Variants in FRMD6 observed in about 807,000 individuals in gnomAD.
FRMD6 encodes FERM domain containing 6, also known as FERM domain-containing protein 6.
In FRMD6, 37 loss-of-function variants were observed where a neutral mutation model predicts 73.2. The observed-to-expected ratio is 0.51, with a 90% CI of 0.39 to 0.66. The LOEUF (loss-of-function observed/expected upper bound fraction) is 0.66, where lower values mean the gene tolerates loss of function less well. FRMD6 is among the 30% of genes least tolerant of loss of function. FRMD6 has a pLI of 0.00. For synonymous variants in FRMD6, 273 were observed against 282.2 expected (o/e 0.97, Z 0.33); for missense variants, 714 against 780.5 (o/e 0.91, Z 1.02).
chr14:51,583,869 A>T (rs1249376607), intron 2 of FRMD6, among the ~76,000 whole-genome samples: 1 of 152,214 alleles, frequency 6.6e-6, no homozygotes, highest in Non-Finnish European at 1.5e-5. Flanking sequence ...TGGAGGTTTT[A>T]GGAAGCAAGA....
At chr14:51,598,191 C>T (rs1594580090) in intron 2 of FRMD6, among the ~76,000 whole-genome samples, 1 of 152,022 alleles carries the variant, frequency 6.6e-6, no homozygotes, top group Admixed American at 6.6e-5. Flanking sequence ...AAACTAATTT[C>T]TCCCCCTAGC....
In FRMD6 at chr14:51,689,747, G is replaced by C. The variant is rs1310075590; in HGVS notation, c.-90G>C. On this transcript the variant is annotated 5_prime_UTR_variant, in exon 2 of 14. Transcript: ENST00000344768. The stretch of plus-strand genomic sequence containing the variant: ...GCTTCTCCTGCAGGGCGTGTGATGA[G>C]GAGGCGAGCTTGGCTTTGGAGTGCT... The C allele has an allele frequency of 2.2e-5, 17 of 781,930 alleles. No individual in the cohort carries two copies. In the East Asian group the frequency reaches 4.2e-4, roughly 19 times the overall value. The allele number at this position is 781,930 out of a possible 1,614,324, so 48.4% of individuals were successfully genotyped here.
upstream of FRMD6, among the ~76,000 whole-genome samples, chr14:51,485,776 T>A (rs937319807): frequency 6.6e-6 from 1 of 152,210 alleles, no homozygotes; most frequent in African/African-American, 2.4e-5. Flanking sequence ...TGGATATATG[T>A]CTTCATATTT....
intron 2 of FRMD6, among the ~76,000 whole-genome samples, chr14:51,578,330 C>T (rs1364365295): frequency 1.3e-5 from 2 of 152,132 alleles, no homozygotes; most frequent in African/African-American, 4.8e-5. Flanking sequence ...ATAAGTGGCA[C>T]AAAGTGGCCA....
chr14:51,532,214 C>A (rs573060206), intron 1 of FRMD6, among the ~76,000 whole-genome samples: 3 of 151,796 alleles, frequency 2.0e-5, no homozygotes, highest in Non-Finnish European at 2.9e-5. Flanking sequence ...TAAAAATACA[C>A]AAAAATTAGC....
At chr14:51,514,902 C>A (rs4901131) in intron 1 of FRMD6, among the ~76,000 whole-genome samples, 87,389 of 151,990 alleles carry the variant, frequency 0.57, 26,082 homozygotes, top group African/African-American at 0.72. Flanking sequence ...AAGCAATATG[C>A]GATGCAAAAT....
At chr14:51,476,521 A>T in the FRMD6 span, among the ~76,000 whole-genome samples, 5 of 152,200 alleles carry the variant, frequency 3.3e-5, no homozygotes, top group South Asian at 6.2e-4. Flanking sequence ...GTGAGGGAGT[A>T]TGAAGACCCT....
At chr14:51,479,333 C>T in the FRMD6 span, among the ~76,000 whole-genome samples, 1 of 152,202 alleles carries the variant, frequency 6.6e-6, no homozygotes, top group African/African-American at 2.4e-5. Flanking sequence ...CATGGTCACT[C>T]TTGTAGGGTA....
In FRMD6 at chr14:51,728,943, A is replaced by G. The variant is rs898789411; in HGVS notation, c.*914A>G. The G allele has an allele frequency of 1.3e-5, 2 of 152,094 alleles. No individual in the cohort carries two copies. Among genetic ancestry groups the G allele is most frequent in the Admixed American group, 1.3e-4 (2 of 15,266 alleles). The allele number at this position is 152,094 out of a possible 1,614,324, so 9.4% of individuals were successfully genotyped here. On this transcript the variant is annotated 3_prime_UTR_variant, in exon 14 of 14. Transcript: ENST00000344768. ...TATTATACATATATAAATACATGGGATTGTGTATGTCTATATGTGTTTAAA... is the reference window on the plus strand; with the variant it reads ...TATTATACATATATAAATACATGGGGTTGTGTATGTCTATATGTGTTTAAA...
intron 12 of FRMD6, among the ~76,000 whole-genome samples, 154 bp from the exon 13 acceptor site, chr14:51,725,625 T>C (rs984115153): frequency 9.9e-5 from 15 of 152,210 alleles, no homozygotes; most frequent in African/African-American, 3.6e-4. Flanking sequence ...GTGTGTGCTG[T>C]TCTGGTTGTC....
intron 7 of FRMD6, 161 bp downstream of exon 7, chr14:51,708,394 G>A (rs886176947): frequency 2.1e-5 from 14 of 672,848 alleles, no homozygotes; most frequent in Non-Finnish European, 3.1e-5. Flanking sequence ...TCGCACGTCA[G>A]TCTTGGAGGC....
intron 13 of FRMD6, among the ~76,000 whole-genome samples, chr14:51,727,236 G>A (rs1898018097): frequency 6.6e-6 from 1 of 151,338 alleles, no homozygotes; most frequent in Admixed American, 6.6e-5. Flanking sequence ...GGTAATAATT[G>A]GTTTATTTTC....
chr14:51,629,310 T>C (rs1402961709), intron 2 of FRMD6, among the ~76,000 whole-genome samples: 4 of 152,240 alleles, frequency 2.6e-5, no homozygotes, highest in African/African-American at 9.6e-5. Context: ...CAACTGCTAT[T>C]ATGAATAATG....
chr14:51,605,870 C>A (rs1296307099), intron 2 of FRMD6, among the ~76,000 whole-genome samples: 3 of 152,132 alleles, frequency 2.0e-5, no homozygotes, highest in East Asian at 3.9e-4. Flanking sequence ...GCTGTACCCC[C>A]GAGTCTCAGA....
At chr14:51,556,976 G>A (rs956628989) in intron 1 of FRMD6, among the ~76,000 whole-genome samples, 1 of 152,020 alleles carries the variant, frequency 6.6e-6, no homozygotes, top group African/African-American at 2.4e-5. Flanking sequence ...CACTTATCAC[G>A]ATGCTTTGCA....
chr14:51,698,830 A>G (rs992261675), intron 3 of FRMD6, among the ~76,000 whole-genome samples: 1 of 151,998 alleles, frequency 6.6e-6, no homozygotes, highest in African/African-American at 2.4e-5. Flanking sequence ...CTCTCATAAC[A>G]CCTTAGTTAG....
chr14:51,485,140 A>G (rs376083368), upstream of FRMD6, among the ~76,000 whole-genome samples: 3 of 152,336 alleles, frequency 2.0e-5, no homozygotes, highest in South Asian at 4.1e-4. Flanking sequence ...TAAGGCGTCT[A>G]AGAACATGGT....
At chr14:51,673,721 GA>G (rs1226491546) in intron 1 of FRMD6, among the ~76,000 whole-genome samples, 5 of 152,112 alleles carry the variant, frequency 3.3e-5, no homozygotes, top group African/African-American at 9.6e-5. Context: ...ATGTGGAGGG[GA>G]AAAAAAGTAC....
intron 2 of FRMD6, among the ~76,000 whole-genome samples, chr14:51,577,529 G>A (rs12434748): frequency 0.36 from 54,844 of 151,954 alleles, 10,831 homozygotes; most frequent in African/African-American, 0.52. Context: ...CGAAACTCGC[G>A]TACAAATAAA....
Sources: allele counts gnomAD v4.1 joint callset (sites outside exome capture counted in the v4.1 genomes callset), GRCh38; gene constraint gnomAD v4.1.1; transcripts MANE v1.5; gene names NCBI Gene and HGNC (gene_info 2026-07-23, HGNC 2026-07-21).